The following AKAP6 variants were observed in gnomAD, a reference collection of about 807,000 sequenced individuals.
AKAP6 encodes the protein A-kinase anchor protein 6.
In AKAP6, 58 loss-of-function variants were observed where a neutral mutation model predicts 188.5. The observed-to-expected ratio is 0.31, with a 90% CI of 0.25 to 0.38. The LOEUF is 0.38. AKAP6 is among the 10% of genes least tolerant of loss of function. AKAP6 has a pLI of 1.00. For missense variants in AKAP6, 2,710 were observed against 2,740.0 expected, an observed-to-expected ratio of 0.99 and a Z score of 0.24; for synonymous variants, 989 against 998.6, an observed-to-expected ratio of 0.99 and a Z score of 0.18.
chr14:32,454,757 C>T (rs1177363000), intron 2 of AKAP6, among the ~76,000 whole-genome samples: 1 of 10,434 alleles, frequency 9.6e-5, no homozygotes, highest in African/African-American at 8.7e-4. Flanking sequence ...CCTTCCCTCC[C>T]TCCCTCCCTC....
chr14:32,525,288 T>G (rs1428188962), intron 2 of AKAP6, among the ~76,000 whole-genome samples: 1 of 152,238 alleles, frequency 6.6e-6, no homozygotes, highest in Admixed American at 6.5e-5. Context: ...AGTCAGAGCC[T>G]GGTATTAGGT....
At chr14:32,650,644 A>G (rs1199405071) in intron 7 of AKAP6, among the ~76,000 whole-genome samples, 1 of 152,104 alleles carries the variant, frequency 6.6e-6, no homozygotes, top group Non-Finnish European at 1.5e-5. Flanking sequence ...GCTAAATACC[A>G]TTAATTTACC....
rs7147653 is a variant in AKAP6, at chr14:32,834,300, T to C, written c.*4495T>C. 70,439 of 151,680 alleles carry C rather than the reference T, an allele frequency of 0.46. 17,610 individuals carry two copies. The highest frequency in any genetic ancestry group is 0.56 in the Non-Finnish European group (38,192 of 67,834). 9.4% of individuals were successfully genotyped at this position (151,680 alleles called of 1,614,324 possible). ...ACTTGGGAGGCTGAGGCAGGAGAAT[T>C]GCTTGAAGCCAGGAGGCAGAGGTTG... On this transcript the variant is annotated 3_prime_UTR_variant, in exon 14 of 14. Coordinates refer to ENST00000280979, the MANE Select transcript of AKAP6 (RefSeq NM_004274.5).
chr14:32,595,240 A>G (rs886970430), intron 5 of AKAP6, among the ~76,000 whole-genome samples: 13 of 152,080 alleles, frequency 8.5e-5, no homozygotes, highest in African/African-American at 2.9e-4. Context: ...TGTCACTGGC[A>G]TATTCTTCCA....
Position 32,822,804 on chromosome 14 carries a change from A to T in AKAP6, c.4991A>T (p.Gln1664Leu), listed in dbSNP as rs777935657. ...VSDITLQSSSQKMSFTGQMSL... is the reference protein window; with the variant it reads ...VSDITLQSSSLKMSFTGQMSL... The stretch of plus-strand genomic sequence containing the variant: ...GATATCACTCTTCAAAGCAGTTCCC[A>T]AAAGATGTCCTTTACTGGCCAGATG... Residue 1664 changes from glutamine (Q) to leucine (L), a missense_variant, in exon 13 of 14, where the codon CAA (glutamine) becomes CTA (leucine). Physicochemically the swap from Gln to Leu is moderately radical, Grantham distance 113. Transcript: ENST00000280979. 1.2e-6 allele frequency: 2 copies of T among 1,613,858 alleles called. No homozygotes were observed. The highest frequency in any genetic ancestry group is 1.7e-6 in the Non-Finnish European group (2 of 1,179,944).
At chr14:32,630,535 T>G (rs767630145) in intron 7 of AKAP6, among the ~76,000 whole-genome samples, 8 of 152,056 alleles carry the variant, frequency 5.3e-5, no homozygotes, top group Non-Finnish European at 1.2e-4. Context: ...AAGGAGATAC[T>G]TTTGGACCAG....
intron 4 of AKAP6, among the ~76,000 whole-genome samples, chr14:32,551,158 G>A (rs1883442335): frequency 6.6e-6 from 1 of 152,026 alleles, no homozygotes; most frequent in Admixed American, 6.6e-5. Context: ...TAGGATCATT[G>A]TCAGCTGCTT....
rs2034631035 is a variant in AKAP6 at position 32,824,710 on chromosome 14, T to C, written c.6897T>C (p.Thr2299=). The change falls in exon 13 of 14, where the codon ACT becomes ACC. Residue 2299 remains threonine (T), a synonymous_variant. Coordinates refer to ENST00000280979, the MANE Select transcript of AKAP6 (RefSeq NM_004274.5). The part of the protein sequence containing the change: ...DKAALHPSPK[T]LTCEENLLNL... ...CCGCATTGCATCCCAGCCCCAAAAC[T>C]TTAACCTGTGAAGAAAATCTTCTAA... The C allele has an allele frequency of 1.2e-6, 2 of 1,613,620 alleles. No homozygotes were observed. The highest frequency in any genetic ancestry group is 8.5e-7 in the Non-Finnish European group (1 of 1,179,848).
At chr14:32,685,214 T>A (rs1594845653) in intron 8 of AKAP6, among the ~76,000 whole-genome samples, 1 of 151,996 alleles carries the variant, frequency 6.6e-6, no homozygotes, top group East Asian at 2.0e-4. Context: ...CAGTGAGCTT[T>A]GATAATGCCA....
intron 11 of AKAP6, among the ~76,000 whole-genome samples, chr14:32,753,729 C>T (rs181243955): frequency 2.6e-5 from 4 of 152,256 alleles, no homozygotes; most frequent in African/African-American, 7.2e-5. Context: ...CAGTTTCATT[C>T]TTCTGCATGT....
chr14:32,352,098 TGTGTTTG>T (rs1566458653), intron 1 of AKAP6, among the ~76,000 whole-genome samples: 68 of 114,010 alleles, frequency 6.0e-4, no homozygotes, highest in African/African-American at 1.6e-3. Context: ...TGTGTGTGTG[TGTGTTTG>T]TGTGTGTGTG....
chr14:32,521,138 C>T (rs537288807), intron 2 of AKAP6, among the ~76,000 whole-genome samples: 1 of 152,004 alleles, frequency 6.6e-6, no homozygotes, highest in South Asian at 2.1e-4. Context: ...ATTCAACAGC[C>T]CTTCATGCTA....
Position 32,773,807 on chromosome 14 carries a change from G to T in AKAP6, c.3502G>T (p.Val1168Leu). The T allele has an allele frequency of 6.2e-7, 1 of 1,614,116 alleles. No homozygotes were observed. Among genetic ancestry groups the T allele is most frequent in the South Asian group, 1.1e-5 (1 of 91,078 alleles). Reference sequence around the variant, plus strand: ...CCACCAGCCCATGCAGCTGATCATTGTAAATCTTGAAAGAAGGTGGGAAGC... The same window carrying T: ...CCACCAGCCCATGCAGCTGATCATTTTAAATCTTGAAAGAAGGTGGGAAGC... ...ADHQPMQLII[V>L]NLERRWEAIV... The change falls in exon 12 of 14, where the codon GTA becomes TTA. Residue 1168 changes from valine (V) to leucine (L), a missense_variant. Physicochemically the swap from Val to Leu is conservative, Grantham distance 32 (BLOSUM62 1). Around this residue, in one of 2 missense-constraint regions of AKAP6, gnomAD observed 2,473 missense variants for 2,426.1 expected, o/e 1.02. Transcript: ENST00000280979.
intron 5 of AKAP6, among the ~76,000 whole-genome samples, chr14:32,580,434 T>C (rs1008832467): frequency 2.6e-5 from 4 of 152,142 alleles, no homozygotes; most frequent in Non-Finnish European, 5.9e-5. Flanking sequence ...GACAGACTTC[T>C]ATCTCTCTCC....
At chr14:32,464,722 C>A (rs1340681201) in intron 2 of AKAP6, among the ~76,000 whole-genome samples, 1 of 152,148 alleles carries the variant, frequency 6.6e-6, no homozygotes, top group Admixed American at 6.5e-5. Context: ...TCCTATTCAA[C>A]ATAGCACTGG....
chr14:32,612,267 A>G (rs1377433442), intron 7 of AKAP6, among the ~76,000 whole-genome samples: 6 of 152,168 alleles, frequency 3.9e-5, no homozygotes, highest in Non-Finnish European at 5.9e-5. Context: ...ATTACCATCC[A>G]TCATGACCGC....
At chr14:32,589,991 T>C (rs1005026060) in intron 5 of AKAP6, among the ~76,000 whole-genome samples, 2 of 152,170 alleles carry the variant, frequency 1.3e-5, no homozygotes, top group Non-Finnish European at 2.9e-5. Flanking sequence ...TTATGTGGAA[T>C]TTTGGAATCT....
chr14:32,584,545 T>C (rs925313068), intron 5 of AKAP6, among the ~76,000 whole-genome samples: 1 of 152,268 alleles, frequency 6.6e-6, no homozygotes, highest in African/African-American at 2.4e-5. Flanking sequence ...GACAAATATA[T>C]ACACCCATGA....
At chr14:32,358,894 T>G (rs1267099365) in intron 1 of AKAP6, among the ~76,000 whole-genome samples, 2 of 152,168 alleles carry the variant, frequency 1.3e-5, no homozygotes, top group African/African-American at 4.8e-5. Context: ...GCCTTAGAGC[T>G]CTGGTAAAAC....
Sources: gnomAD v4.1 joint callset for allele counts (sites outside exome capture counted in the v4.1 genomes callset) on GRCh38, gnomAD v4.1.1 for gene constraint, gnomAD v4.1.1 regional missense constraint, MANE v1.5 for transcripts, NCBI Gene and HGNC (gene_info 2026-07-23, HGNC 2026-07-21) for gene names.